Variants in ANO3 observed in about 807,000 individuals in gnomAD.
The protein encoded by ANO3 is anoctamin-3.
Under a neutral mutation model 144.8 loss-of-function variants are expected in ANO3, and 99 were observed. That is an observed-to-expected ratio of 0.68 (90% CI 0.58 to 0.81). ANO3 has a LOEUF of 0.81. ANO3 is among the 30% of genes least tolerant of loss of function. ANO3 has a pLI of 0.00. For missense variants in ANO3, 905 were observed against 1,202.2 expected (o/e 0.75, Z 3.66); for synonymous variants, 414 against 392.6 (o/e 1.05, Z -0.64).
Position 26,335,911 on chromosome 11 carries a change from A to G in ANO3, c.46+3590A>G, listed in dbSNP as rs531629812. 6.6e-5 allele frequency among the ~76,000 whole-genome samples: 10 copies of G among 152,244 alleles called. No homozygotes were observed. The South Asian group carries it at 1.2e-3, about 19-fold the overall frequency. On this transcript the variant is annotated intron_variant, in intron 1 of 26. Transcript: ENST00000256737. The stretch of plus-strand genomic sequence containing the variant: ...ATATACACAAATAGTTTTGAATTTT[A>G]CTCCACTGTAAATTTTAGATTATCT...
chr11:26,306,220 C>T (rs897249713), upstream of ANO3, among the ~76,000 whole-genome samples: 172 of 151,684 alleles, frequency 1.1e-3, no homozygotes, highest in African/African-American at 3.8e-3. Context: ...GTGATCAGCC[C>T]GCCTCGGCCT....
rs1382839470 is a variant in ANO3, at chr11:26,322,096, T to C, written c.-3+12377T>C. On this transcript the variant is annotated intron_variant, in intron 1 of 26. Transcript: ENST00000525139. ...TAGATCACTCATTTGGTTCTAACTA[T>C]GAATCTTTCCTTCAGTTTATGTACC... Among the ~76,000 whole-genome samples the C allele has an allele frequency of 2.0e-5, 3 of 152,104 alleles. No individual in the cohort carries two copies. In the East Asian group the frequency reaches 5.8e-4, roughly 29 times the overall value.
chr11:26,553,226 TTTTGTTTTTG>T lies in ANO3; in HGVS notation c.1290-19_1290-10del, dbSNP rs774687462. Reference sequence around the variant, plus strand: ...AGTTTCATGCTATGTTTTGTTTTGTTTTTGTTTTTGTTTTTTCTCAAGCCAAGAAATTTGT... The same window carrying T: ...AGTTTCATGCTATGTTTTGTTTTGTTTTTTTTCTCAAGCCAAGAAATTTGT... On this transcript the variant is annotated splice_polypyrimidine_tract_variant and intron_variant, in intron 12 of 26. Transcript: ENST00000256737. 3 of 1,276,658 alleles carry T rather than the reference TTTTGTTTTTG, an allele frequency of 2.3e-6. No homozygotes were observed. Among genetic ancestry groups the T allele is most frequent in the South Asian group, 1.3e-5 (1 of 78,970 alleles). The allele number at this position is 1,276,658 out of a possible 1,614,324, so 79.1% of individuals were successfully genotyped here. A position where few individuals can be genotyped will look rare whatever the true frequency, so the allele number is the denominator to read the frequency against.
chr11:26,652,876 A>T (rs1258067611), intron 24 of ANO3, among the ~76,000 whole-genome samples: 5 of 152,194 alleles, frequency 3.3e-5, no homozygotes, highest in Non-Finnish European at 5.9e-5. Context: ...CAGTTCTCAC[A>T]TCATTTGGCT....
intron 1 of ANO3, among the ~76,000 whole-genome samples, chr11:26,259,701 C>T (rs998928168): frequency 2.0e-5 from 3 of 151,976 alleles, no homozygotes; most frequent in Admixed American, 2.0e-4. Flanking sequence ...AATATTTAAT[C>T]ACTAGTAGAA....
chr11:26,213,770 A>G (rs1048275323), intron 1 of ANO3, among the ~76,000 whole-genome samples: 4 of 152,170 alleles, frequency 2.6e-5, no homozygotes, highest in Non-Finnish European at 5.9e-5. Flanking sequence ...AGAATTAGAA[A>G]ATACTACTTT....
chr11:26,355,441 A>C (rs1463172375), intron 1 of ANO3, among the ~76,000 whole-genome samples: 1 of 151,946 alleles, frequency 6.6e-6, no homozygotes, highest in African/African-American at 2.4e-5. Flanking sequence ...TTCTTTTGTA[A>C]CTGTTTATTT....
intron 1 of ANO3, among the ~76,000 whole-genome samples, chr11:26,403,235 A>G (rs1424442943): frequency 6.6e-6 from 1 of 151,864 alleles, no homozygotes; most frequent in Non-Finnish European, 1.5e-5. Context: ...GGTATTTTAT[A>G]TTTCCCTAAG....
chr11:26,546,315 T>C (rs1256709848), intron 11 of ANO3, among the ~76,000 whole-genome samples: 1 of 151,956 alleles, frequency 6.6e-6, no homozygotes, highest in Non-Finnish European at 1.5e-5. Flanking sequence ...GAAGTGATGC[T>C]TGACAGATGA....
chr11:26,441,123 T>TGTTTG (rs1554954663), intron 1 of ANO3, among the ~76,000 whole-genome samples: 5 of 123,582 alleles, frequency 4.0e-5, no homozygotes, highest in South Asian at 3.1e-4. Context: ...TTTTTTTTTT[T>TGTTTG]TTTTTTTTTT....
chr11:26,471,354 T>C (rs1006221130), intron 4 of ANO3, among the ~76,000 whole-genome samples: 2 of 152,006 alleles, frequency 1.3e-5, no homozygotes, highest in Admixed American at 6.6e-5. Flanking sequence ...GTAACTAGAT[T>C]GACCTGTTTG....
chr11:26,279,795 C>T (rs11029460), intron 1 of ANO3, among the ~76,000 whole-genome samples: 32,334 of 152,078 alleles, frequency 0.21, 4,156 homozygotes, highest in African/African-American at 0.36. Flanking sequence ...CTCCTTATTT[C>T]CACTGTGATT....
intron 2 of ANO3, among the ~76,000 whole-genome samples, chr11:26,443,156 A>G (rs1858582342): frequency 6.6e-6 from 1 of 152,188 alleles, no homozygotes; most frequent in Non-Finnish European, 1.5e-5. Context: ...TGGATAACTA[A>G]AAAATATCAA....
chr11:26,329,323 CACACAGAGAGAG>C (rs1294117739), upstream of ANO3, among the ~76,000 whole-genome samples: 7 of 80,174 alleles, frequency 8.7e-5, no homozygotes, highest in African/African-American at 2.2e-4. Context: ...CACACACACA[CACACAGAGAGAG>C]AGAGAGAGAG....
chr11:26,595,460 G>GTGTTTTTTTTTTT, intron 14 of ANO3, among the ~76,000 whole-genome samples: 2 of 101,388 alleles, frequency 2.0e-5, no homozygotes, highest in South Asian at 3.3e-4. Context: ...AGATAGAGTT[G>GTGTTTTTTTTTTT]TTTTTTTTTT....
chr11:26,491,266 G>A (rs1385860730), intron 4 of ANO3, among the ~76,000 whole-genome samples: 1 of 152,164 alleles, frequency 6.6e-6, no homozygotes, highest in Non-Finnish European at 1.5e-5. Flanking sequence ...TTTTAAGAAT[G>A]AATTAGTGAA....
At chr11:26,489,704 G>A (rs566779807) in intron 4 of ANO3, among the ~76,000 whole-genome samples, 1 of 152,366 alleles carries the variant, frequency 6.6e-6, no homozygotes, top group East Asian at 1.9e-4. Context: ...GAGACCTGGA[G>A]TCAACAAAGA....
intron 1 of ANO3, among the ~76,000 whole-genome samples, chr11:26,383,002 T>G (rs1350431499): frequency 1.3e-5 from 2 of 152,150 alleles, no homozygotes; most frequent in African/African-American, 4.8e-5. Flanking sequence ...CTATTAACAT[T>G]GTGATCTTCA....
intron 12 of ANO3, among the ~76,000 whole-genome samples, chr11:26,549,014 A>G (rs146512997): frequency 1.3e-5 from 2 of 151,880 alleles, no homozygotes; most frequent in East Asian, 3.9e-4. Context: ...TTCAACAGCT[A>G]CTCTTCAAGT....
Sources: allele counts gnomAD v4.1 joint callset (sites outside exome capture counted in the v4.1 genomes callset), GRCh38; gene constraint gnomAD v4.1.1; transcripts MANE v1.5; gene names NCBI Gene and HGNC (gene_info 2026-07-23, HGNC 2026-07-21).